The following GKAP1 variants were observed in gnomAD, a reference collection of about 807,000 sequenced individuals.
GKAP1 encodes the protein G kinase anchoring protein 1, also known as G kinase-anchoring protein 1.
Under a neutral mutation model 56.7 loss-of-function variants are expected in GKAP1, and 31 were observed. The ratio of observed to expected loss-of-function variants is 0.55; its 90% CI spans 0.41 to 0.74. The LOEUF (loss-of-function observed/expected upper bound fraction) is 0.74. GKAP1 is among the 30% of genes least tolerant of loss of function. GKAP1 has a pLI of 0.00. For synonymous variants in GKAP1, 151 were observed against 138.6 expected (o/e 1.09, Z -0.63); for missense variants, 364 against 402.3 (o/e 0.90, Z 0.82).
Position 83,753,402 on chromosome 9 carries a change from C to T in GKAP1, c.739-43G>A, listed in dbSNP as rs1399492221. On this transcript the variant is annotated intron_variant, in intron 8 of 12. Transcript: ENST00000376371. ...ACACTTTAGGACTTTGATTATTCCG[C>T]TAATTCTGGTTTATAGTATTCCTTT... 3 of 1,243,876 alleles carry T rather than the reference C, an allele frequency of 2.4e-6. No individual in the cohort carries two copies. The South Asian group carries it at 3.7e-5, about 15-fold the overall frequency. 77.1% of individuals were successfully genotyped at this position (1,243,876 alleles called of 1,614,324 possible). A position where few individuals can be genotyped will look rare whatever the true frequency, so the allele number is the denominator to read the frequency against.
At chr9:83,751,274 T>A (rs1015618332) in intron 9 of GKAP1, among the ~76,000 whole-genome samples, 1 of 152,218 alleles carries the variant, frequency 6.6e-6, no homozygotes, top group Non-Finnish European at 1.5e-5. Context: ...CCTTTGTACA[T>A]ACAATTCTCT....
intron 3 of GKAP1, among the ~76,000 whole-genome samples, chr9:83,803,692 G>A (rs1294325811): frequency 6.6e-6 from 1 of 151,640 alleles, no homozygotes; most frequent in Non-Finnish European, 1.5e-5. Context: ...GGGAAGTGAG[G>A]AGCGTCTCTG....
intron 3 of GKAP1, among the ~76,000 whole-genome samples, chr9:83,803,605 A>G (rs1587738179): frequency 6.6e-6 from 1 of 151,914 alleles, no homozygotes; most frequent in African/African-American, 2.4e-5. Flanking sequence ...GCTCGCTACA[A>G]CCTCCATCTC....
chr9:83,804,491 T>C (rs1944397631), intron 3 of GKAP1, among the ~76,000 whole-genome samples: 1 of 110,844 alleles, frequency 9.0e-6, no homozygotes, highest in Non-Finnish European at 1.8e-5. Flanking sequence ...GGAGCCCCTC[T>C]GCTCGGCCAG....
chr9:83,741,355 ATC>A (rs749159512), intron 12 of GKAP1, among the ~76,000 whole-genome samples: 2,059 of 91,292 alleles, frequency 0.023, 40 homozygotes, highest in African/African-American at 0.05. Context: ...ACATAAATAT[ATC>A]TCTCACACAC....
At chr9:83,753,218 A>T in intron 9 of GKAP1, 40 bp downstream of exon 9, 1 of 1,183,164 alleles carries the variant, frequency 8.5e-7, no homozygotes, top group Middle Eastern at 2.0e-4. Context: ...GTGAAAATTT[A>T]TAGAATTATT....
chr9:83,804,600 C>T (rs1222318464), intron 3 of GKAP1, among the ~76,000 whole-genome samples: 23 of 130,428 alleles, frequency 1.8e-4, no homozygotes, highest in African/African-American at 6.9e-4. Context: ...GCCCGGCCAG[C>T]CGCCCCATCC....
At chr9:83,771,560 T>C (rs780390618) in intron 7 of GKAP1, among the ~76,000 whole-genome samples, 4 of 152,212 alleles carry the variant, frequency 2.6e-5, no homozygotes, top group Non-Finnish European at 5.9e-5. Context: ...GTGCAACACT[T>C]TATATCTTGC....
At chr9:83,751,549 T>C (rs1943389174) in intron 9 of GKAP1, among the ~76,000 whole-genome samples, 1 of 152,068 alleles carries the variant, frequency 6.6e-6, no homozygotes, top group African/African-American at 2.4e-5. Flanking sequence ...AAAGTTTTAG[T>C]AGGGATGATT....
intron 3 of GKAP1, among the ~76,000 whole-genome samples, chr9:83,800,458 C>A (rs1587735398): frequency 2.0e-5 from 3 of 151,710 alleles, no homozygotes; most frequent in South Asian, 4.2e-4. Flanking sequence ...CTCAGCCTCT[C>A]AAATAGCTGG....
At chr9:83,749,039 A>G (rs1300030220) in intron 9 of GKAP1, 1 of 152,048 alleles carries the variant, frequency 6.6e-6, no homozygotes, top group Admixed American at 6.5e-5. Context: ...AATATCTTTC[A>G]ACTCTTTTTC....
intron 10 of GKAP1, among the ~76,000 whole-genome samples, chr9:83,744,204 A>C (rs991910689): frequency 6.6e-6 from 1 of 152,204 alleles, no homozygotes; most frequent in Non-Finnish European, 1.5e-5. Context: ...GAGTTATGTA[A>C]TATTTCAATT....
chr9:83,752,466 A>G (rs1477409913), intron 9 of GKAP1, among the ~76,000 whole-genome samples: 1 of 152,150 alleles, frequency 6.6e-6, no homozygotes, highest in Non-Finnish European at 1.5e-5. Context: ...AATACGCCAC[A>G]CATAAAGAGG....
chr9:83,779,448 TACACACACACACACACGCAC>T lies in GKAP1; in HGVS notation c.585+914_585+933del, dbSNP rs1943918490. Among the ~76,000 whole-genome samples, 22 of 119,602 alleles carry T rather than the reference TACACACACACACACACGCAC, an allele frequency of 1.8e-4. 2 individuals carry two copies. The highest frequency in any genetic ancestry group is 5.7e-4 in the East Asian group (2 of 3,512). The allele number at this position is 119,602 out of a possible 152,430, so 78.5% of individuals were successfully genotyped here. A position where few individuals can be genotyped will look rare whatever the true frequency, so the allele number is the denominator to read the frequency against. On this transcript the variant is annotated intron_variant, in intron 7 of 12. Coordinates refer to ENST00000376371, the MANE Select transcript of GKAP1 (RefSeq NM_025211.4). ...AGCCATATATATATATATATATATA[TACACACACACACACACGCAC>T]ATATACATATACATACATATATACA...
chr9:83,754,915 AC>A (rs1464754623), intron 8 of GKAP1, among the ~76,000 whole-genome samples: 1 of 152,134 alleles, frequency 6.6e-6, no homozygotes, highest in African/African-American at 2.4e-5. Flanking sequence ...TTTAATTACT[AC>A]TCTAACCCTG....
chr9:83,804,873 C>T (rs1201281435), intron 3 of GKAP1, among the ~76,000 whole-genome samples: 5 of 149,790 alleles, frequency 3.3e-5, no homozygotes, highest in Non-Finnish European at 5.9e-5. Flanking sequence ...CCCGGCCAGC[C>T]GCCCCGTCCG....
chr9:83,776,495 G>C (rs1412613210), intron 7 of GKAP1, among the ~76,000 whole-genome samples: 1 of 152,110 alleles, frequency 6.6e-6, no homozygotes, highest in Non-Finnish European at 1.5e-5. Flanking sequence ...AAGAGATAGA[G>C]ACCATCCTGG....
intron 8 of GKAP1, among the ~76,000 whole-genome samples, chr9:83,762,673 A>C (rs1292015494): frequency 1.3e-5 from 2 of 152,222 alleles, no homozygotes; most frequent in Admixed American, 1.3e-4. Context: ...TAGTAACCAA[A>C]TAACAAGGTA....
intron 4 of GKAP1, 56 bp downstream of exon 4, chr9:83,799,129 G>A: frequency 2.7e-6 from 4 of 1,492,826 alleles, no homozygotes; most frequent in South Asian, 1.1e-5. Flanking sequence ...GCACTGCCAT[G>A]TGAAAAATCC....
Sources: gnomAD v4.1 joint callset for allele counts (sites outside exome capture counted in the v4.1 genomes callset) on GRCh38, gnomAD v4.1.1 for gene constraint, MANE v1.5 for transcripts, NCBI Gene and HGNC (gene_info 2026-07-23, HGNC 2026-07-21) for gene names.